ROS1: variants seen among roughly 807,000 people sequenced by gnomAD.
ROS1 encodes the protein proto-oncogene tyrosine-protein kinase ROS.
In ROS1, 263 loss-of-function variants were observed where a neutral mutation model predicts 273.5. The ratio of observed to expected loss-of-function variants is 0.96; its 90% CI spans 0.87 to 1.06. The LOEUF (loss-of-function observed/expected upper bound fraction) is 1.06, where lower values mean the gene tolerates loss of function less well. Ranked by LOEUF, ROS1 falls within the 50% of genes least tolerant of loss-of-function variation. The pLI, the probability that ROS1 is intolerant of heterozygous loss-of-function variation, is 0.00. For synonymous variants in ROS1, 1,008 were observed against 954.1 expected (o/e 1.06, Z -1.04); for missense variants, 2,833 against 2,751.1 (o/e 1.03, Z -0.67).
chr6:117,358,080 C>T (rs932718311), intron 24 of ROS1, 71 bp from the exon 25 acceptor site: 3 of 1,003,654 alleles, frequency 3.0e-6, no homozygotes, highest in Admixed American at 2.1e-5. Flanking sequence ...TTTCTATATT[C>T]ACCCATATCA....
intron 2 of ROS1, 57 bp from the exon 3 acceptor site, chr6:117,416,374 G>C: frequency 8.7e-7 from 1 of 1,143,590 alleles, no homozygotes; most frequent in Non-Finnish European, 1.3e-6. Flanking sequence ...ACTTTTTCTT[G>C]TCACCTGAAA....
intron 40 of ROS1, among the ~76,000 whole-genome samples, chr6:117,310,550 A>G (rs1346987639): frequency 6.6e-6 from 1 of 151,724 alleles, no homozygotes; most frequent in Non-Finnish European, 1.5e-5. Context: ...CCTTGCCCCC[A>G]ACCCCAGACA....
At chr6:117,342,568 A>AATT in intron 28 of ROS1, 24 bp from the exon 29 acceptor site, 1 of 1,388,658 alleles carries the variant, frequency 7.2e-7, no homozygotes, top group Non-Finnish European at 9.8e-7. Context: ...TTTAAAAATC[A>AATT]ACATCTTATT....
At chr6:117,413,464 T>C (rs547287758) in intron 4 of ROS1, among the ~76,000 whole-genome samples, 1 of 152,194 alleles carries the variant, frequency 6.6e-6, no homozygotes, top group African/African-American at 2.4e-5. Context: ...TAACCTTATT[T>C]TGAAGGGATG....
chr6:117,407,285 G>A (rs775312258), intron 5 of ROS1, among the ~76,000 whole-genome samples: 3 of 152,118 alleles, frequency 2.0e-5, no homozygotes, highest in African/African-American at 2.4e-5. Flanking sequence ...TCTACAGCTC[G>A]GTGGGAGGAT....
At chr6:117,363,825 G>C (rs1372362823) in intron 21 of ROS1, among the ~76,000 whole-genome samples, 1 of 151,972 alleles carries the variant, frequency 6.6e-6, no homozygotes, top group Non-Finnish European at 1.5e-5. Context: ...CTGTGCATGT[G>C]TTTATCTCCC....
intron 32 of ROS1, among the ~76,000 whole-genome samples, chr6:117,336,619 G>T (rs1777499475): frequency 6.6e-6 from 1 of 152,124 alleles, no homozygotes. Flanking sequence ...ATTGTGAATA[G>T]TGCTACAGTG....
In ROS1 at chr6:117,321,385, C is replaced by T. The variant is rs2128563706; in HGVS notation, c.5633G>A (p.Arg1878Lys). The T allele has an allele frequency of 6.2e-7, 1 of 1,600,532 alleles. No homozygotes were observed. The highest frequency in any genetic ancestry group is 8.5e-7 in the Non-Finnish European group (1 of 1,175,826). ...VTIPLTFVWH[R>K]RLKNQKSAKE... ...GGCACTTTTTTGATTCTTTAATCTT[C>T]TATGCCAGACTATAAAGGAAAAAAT... Residue 1878 changes from arginine to lysine, a missense_variant, in exon 36 of 44, where the codon AGA (arginine) becomes AAA (lysine). Physicochemically the swap from Arg to Lys is conservative, Grantham distance 26 (BLOSUM62 2). Transcript: ENST00000368507.
intron 17 of ROS1, among the ~76,000 whole-genome samples, chr6:117,382,221 A>G (rs1772212944): frequency 6.6e-6 from 1 of 152,200 alleles, no homozygotes; most frequent in Non-Finnish European, 1.5e-5. Context: ...TTATTTGACA[A>G]GAATGATTGT....
At chr6:117,385,916 T>A in intron 15 of ROS1, 55 bp from the exon 16 acceptor site, 1 of 1,428,946 alleles carries the variant, frequency 7.0e-7, no homozygotes, top group Non-Finnish European at 9.8e-7. Context: ...AACAAAAACA[T>A]AATGAGTCAA....
Position 117,390,671 on chromosome 6 carries a change from AT to A in ROS1, c.1290-826del, listed in dbSNP as rs551466836. On this transcript the variant is annotated intron_variant, in intron 12 of 43. Coordinates refer to ENST00000368507, the MANE Select transcript of ROS1 (RefSeq NM_001378902.1). Reference sequence around the variant, plus strand: ...GCTACTTTGCATTTGCAGTGGACTAATTTTTTTTAATCTACAATTGATGCAG... The same window carrying A: ...GCTACTTTGCATTTGCAGTGGACTAATTTTTTTAATCTACAATTGATGCAG... Among the ~76,000 whole-genome samples the A allele has an allele frequency of 7.7e-3, 1,167 of 152,154 alleles. 11 individuals carry two copies. The highest frequency in any genetic ancestry group is 0.026 in the African/African-American group (1,089 of 41,512).
At chr6:117,320,338 T>C (rs1776206535) in intron 36 of ROS1, among the ~76,000 whole-genome samples, 1 of 152,118 alleles carries the variant, frequency 6.6e-6, no homozygotes, top group Non-Finnish European at 1.5e-5. Context: ...AGTTAGTAGG[T>C]ATTAACTTCT....
chr6:117,373,299 G>A (rs1437638781), intron 18 of ROS1, among the ~76,000 whole-genome samples: 1 of 152,256 alleles, frequency 6.6e-6, no homozygotes, highest in African/African-American at 2.4e-5. Context: ...GCACTCCTCA[G>A]CCCTTGGGCG....
intron 43 of ROS1, among the ~76,000 whole-genome samples, chr6:117,295,748 A>G (rs1171299848): frequency 1.3e-5 from 2 of 152,256 alleles, no homozygotes; most frequent in Non-Finnish European, 1.5e-5. Context: ...AGTGCTCAAC[A>G]TCATTGATCA....
At chr6:117,388,675 C>T (rs895412874) in intron 13 of ROS1, among the ~76,000 whole-genome samples, 73 of 152,146 alleles carry the variant, frequency 4.8e-4, no homozygotes, top group African/African-American at 1.7e-3. Flanking sequence ...ATCTGACCCA[C>T]AAAGTAAATA....
chr6:117,339,021 G>A (rs907183606), intron 31 of ROS1, among the ~76,000 whole-genome samples: 1 of 151,992 alleles, frequency 6.6e-6, no homozygotes, highest in Non-Finnish European at 1.5e-5. Context: ...AAAATTATTT[G>A]TTTCCTCCCC....
At chr6:117,325,526 G>T (rs1389675491) in intron 34 of ROS1, among the ~76,000 whole-genome samples, 1 of 152,168 alleles carries the variant, frequency 6.6e-6, no homozygotes, top group Non-Finnish European at 1.5e-5. Flanking sequence ...AGTAAATGGA[G>T]AGCCATTGTG....
chr6:117,384,413 T>C (rs752318319), intron 16 of ROS1, among the ~76,000 whole-genome samples: 16 of 152,198 alleles, frequency 1.1e-4, no homozygotes, highest in South Asian at 2.1e-4. Context: ...TTATGTGAAT[T>C]ATATCACAAC....
intron 5 of ROS1, among the ~76,000 whole-genome samples, chr6:117,407,216 C>A (rs1430411161): frequency 1.3e-5 from 2 of 152,178 alleles, no homozygotes; most frequent in Non-Finnish European, 2.9e-5. Flanking sequence ...GAACAAGCCA[C>A]TGAGTCAAGA....
Sources: allele counts gnomAD v4.1 joint callset (sites outside exome capture counted in the v4.1 genomes callset), GRCh38; gene constraint gnomAD v4.1.1; transcripts MANE v1.5; gene names NCBI Gene and HGNC (gene_info 2026-07-23, HGNC 2026-07-21).